TOP1: variants seen among roughly 807,000 people sequenced by gnomAD.
TOP1 encodes DNA topoisomerase 1.
In TOP1, 10 loss-of-function variants were observed where a neutral mutation model predicts 111.1. The observed-to-expected ratio is 0.09, with a 90% CI of 0.06 to 0.15. The LOEUF is 0.15. TOP1 is among the 10% of genes least tolerant of loss of function. TOP1 has a pLI of 1.00. For synonymous variants in TOP1, 271 were observed against 302.9 expected, an observed-to-expected ratio of 0.89 and a Z score of 1.10; for missense variants, 474 against 926.7, an observed-to-expected ratio of 0.51 and a Z score of 6.34.
chr20:41,029,575 G>A lies in TOP1; in HGVS notation c.58+120G>A, dbSNP rs781368217. The A allele has an allele frequency of 1.1e-5, 9 of 805,888 alleles. No individual in the cohort carries two copies. In the South Asian group the frequency reaches 1.3e-4, roughly 12 times the overall value. 49.9% of individuals were successfully genotyped at this position (805,888 alleles called of 1,614,324 possible). On this transcript the variant is annotated intron_variant, in intron 2 of 20. Coordinates refer to ENST00000361337, the MANE Select transcript of TOP1 (RefSeq NM_003286.4). The surrounding 1 kb of genome is among the most constrained non-coding windows in gnomAD (Gnocchi z 6.1). Reference sequence around the variant, plus strand: ...CCCAGAGACTAAGTCCCGGCTCCTCGCTCACCGGCCCCATTGTTCCCATCG... The same window carrying A: ...CCCAGAGACTAAGTCCCGGCTCCTCACTCACCGGCCCCATTGTTCCCATCG...
rs1328748073 is a variant in TOP1, at chr20:41,032,018, C to T, written c.58+2563C>T. On this transcript the variant is annotated intron_variant, in intron 2 of 20. Transcript: ENST00000361337. This position sits in a 1 kb window ranked among gnomAD's most constrained non-coding sequence, Gnocchi z 4.3. ...CTATCTCAAGTAATACATTGTTAAC[C>T]AGTGATTGATTTATGTAACTATGAA... Among the ~76,000 whole-genome samples, 1 of 151,870 alleles carries T rather than the reference C, an allele frequency of 6.6e-6. No homozygotes were observed. The highest frequency in any genetic ancestry group is 6.6e-5 in the Admixed American group (1 of 15,256).
chr20:41,122,204 G>T lies in TOP1; in HGVS notation c.2195+49G>T. On this transcript the variant is annotated intron_variant, in intron 20 of 20. Coordinates refer to ENST00000361337, the MANE Select transcript of TOP1 (RefSeq NM_003286.4). This position sits in a 1 kb window ranked among gnomAD's most constrained non-coding sequence, Gnocchi z 5.4. ...CTCCTGCTGCTAGCTTAAGAAAGGTGGAGGGGGTTCCGAGAGCACTGGTGG... is the reference window on the plus strand; with the variant it reads ...CTCCTGCTGCTAGCTTAAGAAAGGTTGAGGGGGTTCCGAGAGCACTGGTGG... 6.2e-7 allele frequency: 1 copy of T among 1,603,132 alleles called. No individual in the cohort carries two copies. Among genetic ancestry groups the T allele is most frequent in the African/African-American group, 1.3e-5 (1 of 74,734 alleles).
intron 7 of TOP1, among the ~76,000 whole-genome samples, chr20:41,084,225 A>G (rs1208546718): frequency 6.6e-6 from 1 of 152,062 alleles, no homozygotes; most frequent in Non-Finnish European, 1.5e-5. Flanking sequence ...CTTCCCCTGC[A>G]GAGTGTTTTT....
chr20:41,117,804 T>C (rs1422915689), intron 17 of TOP1, among the ~76,000 whole-genome samples: 1 of 151,852 alleles, frequency 6.6e-6, no homozygotes, highest in Non-Finnish European at 1.5e-5. Flanking sequence ...CAACAAACCA[T>C]AGTAATATCA....
rs1407104084 is a variant in TOP1, at chr20:41,110,912, G to A, written c.1309-1870G>A. 6.6e-6 allele frequency among the ~76,000 whole-genome samples: 1 copy of A among 152,164 alleles called. No homozygotes were observed. ...CCATCTCCTGCTGGATCTAAGCGGG[G>A]TGGCTTCTGCCTCCACCTCCATCTC... On this transcript the variant is annotated intron_variant, in intron 13 of 20. Coordinates refer to ENST00000361337, the MANE Select transcript of TOP1 (RefSeq NM_003286.4). The surrounding 1 kb of genome is among the most constrained non-coding windows in gnomAD (Gnocchi z 4.2).
At position 41,030,896 on chromosome 20, in the gene TOP1, T is replaced by G. The variant is rs2033110320; in HGVS notation, c.58+1441T>G. Among the ~76,000 whole-genome samples, 1 of 152,228 alleles carries G rather than the reference T, an allele frequency of 6.6e-6. No individual in the cohort carries two copies. Among genetic ancestry groups the G allele is most frequent in the Non-Finnish European group, 1.5e-5 (1 of 68,044 alleles). On this transcript the variant is annotated intron_variant, in intron 2 of 20. Coordinates refer to ENST00000361337, the MANE Select transcript of TOP1 (RefSeq NM_003286.4). The surrounding 1 kb of genome is among the most constrained non-coding windows in gnomAD (Gnocchi z 4.1). Reference sequence around the variant, plus strand: ...TATGGCATTTCTTGAGCACCAGATATGTGCCAACCACTGTGCTTGGTGCTA... The same window carrying G: ...TATGGCATTTCTTGAGCACCAGATAGGTGCCAACCACTGTGCTTGGTGCTA...
intron 2 of TOP1, among the ~76,000 whole-genome samples, chr20:41,055,644 C>A (rs745632511): frequency 6.6e-6 from 1 of 152,220 alleles, no homozygotes; most frequent in Non-Finnish European, 1.5e-5. Flanking sequence ...CCCCCAGTCA[C>A]CTGGACGTAA....
At chr20:41,052,349 A>G (rs1174244322) in intron 2 of TOP1, among the ~76,000 whole-genome samples, 2 of 152,170 alleles carry the variant, frequency 1.3e-5, no homozygotes, top group Non-Finnish European at 2.9e-5. Context: ...ATGTTTGAAC[A>G]TGTTTATCAA....
Position 41,079,705 on chromosome 20 carries a change from G to A in TOP1, c.336-380G>A, listed in dbSNP as rs2033767161. ...GCTGTACTTTAGCTTTTAGAGTACT[G>A]GAACAATCAGTTCAGATTGTGGGGT... On this transcript the variant is annotated intron_variant, in intron 5 of 20. Transcript: ENST00000361337. The surrounding 1 kb of genome is among the most constrained non-coding windows in gnomAD (Gnocchi z 4.0). 1.3e-5 allele frequency among the ~76,000 whole-genome samples: 2 copies of A among 152,162 alleles called. No homozygotes were observed. Among genetic ancestry groups the A allele is most frequent in the South Asian group, 2.1e-4 (1 of 4,832 alleles).
rs2034424012 is a variant in TOP1 at position 41,121,625 on chromosome 20, T to G, written c.1951-71T>G. The G allele has an allele frequency of 1.7e-6, 2 of 1,184,488 alleles. No individual in the cohort carries two copies. The highest frequency in any genetic ancestry group is 2.5e-6 in the Non-Finnish European group (2 of 790,806). The allele number at this position is 1,184,488 out of a possible 1,614,324, so 73.4% of individuals were successfully genotyped here. ...AGACAGCCTGGTCCAGATAACATCT[T>G]GGTTTCACCTTCTCAGGTGGAGCCA... On this transcript the variant is annotated intron_variant, in intron 18 of 20. Transcript: ENST00000361337. The surrounding 1 kb of genome is among the most constrained non-coding windows in gnomAD (Gnocchi z 4.2).
rs1231599996 is a variant in TOP1 at position 41,029,600 on chromosome 20, G to C, written c.58+145G>C. On this transcript the variant is annotated intron_variant, in intron 2 of 20. Coordinates refer to ENST00000361337, the MANE Select transcript of TOP1 (RefSeq NM_003286.4). The surrounding 1 kb of genome is among the most constrained non-coding windows in gnomAD (Gnocchi z 6.1). ...GCTCACCGGCCCCATTGTTCCCATC[G>C]GGCCGCCTCTTGACCCCCTTTCCGG... 2.2e-5 allele frequency: 16 copies of C among 718,074 alleles called. No homozygotes were observed. Among genetic ancestry groups the C allele is most frequent in the Non-Finnish European group, 3.9e-5 (16 of 409,346 alleles). The allele number at this position is 718,074 out of a possible 1,614,324, so 44.5% of individuals were successfully genotyped here.
chr20:41,101,029 AT>A lies in TOP1; in HGVS notation c.1164-176del. 3 of 595,420 alleles carry A rather than the reference AT, an allele frequency of 5.0e-6. No individual in the cohort carries two copies. The highest frequency in any genetic ancestry group is 8.9e-6 in the Non-Finnish European group (3 of 337,102). The allele number at this position is 595,420 out of a possible 1,614,324, so 36.9% of individuals were successfully genotyped here. On this transcript the variant is annotated intron_variant, in intron 12 of 20. Transcript: ENST00000361337. The surrounding 1 kb of genome is among the most constrained non-coding windows in gnomAD (Gnocchi z 4.1). ...TTATTTCTGGAATTTTGTATTGAAT[AT>A]TTTCGGATGACAGTTGGCTGAGGGT...
Position 41,034,902 on chromosome 20 carries a change from G to A in TOP1, c.58+5447G>A, listed in dbSNP as rs147464770. Among the ~76,000 whole-genome samples the A allele has an allele frequency of 4.6e-5, 7 of 152,012 alleles. No homozygotes were observed. The highest frequency in any genetic ancestry group is 1.9e-4 in the East Asian group (1 of 5,176). The stretch of plus-strand genomic sequence containing the variant: ...CCTTTACTTTTTTTTTGGGCGGGGT[G>A]GGGGGCAGACAGGGTTTCTGTTTGT... On this transcript the variant is annotated intron_variant, in intron 2 of 20. Transcript: ENST00000361337. This position sits in a 1 kb window ranked among gnomAD's most constrained non-coding sequence, Gnocchi z 4.0.
Position 41,110,191 on chromosome 20 carries a change from A to G in TOP1, c.1309-2591A>G, listed in dbSNP as rs2034212353. On this transcript the variant is annotated intron_variant, in intron 13 of 20. Transcript: ENST00000361337. This position sits in a 1 kb window ranked among gnomAD's most constrained non-coding sequence, Gnocchi z 4.2. Reference sequence around the variant, plus strand: ...TCTCAGCTATTCAGGAGGCTGAGACATGGGAATCGCTTGAACCTGAGGGGT... The same window carrying G: ...TCTCAGCTATTCAGGAGGCTGAGACGTGGGAATCGCTTGAACCTGAGGGGT... Among the ~76,000 whole-genome samples the G allele has an allele frequency of 6.6e-6, 1 of 152,158 alleles. No individual in the cohort carries two copies. The highest frequency in any genetic ancestry group is 1.5e-5 in the Non-Finnish European group (1 of 68,016).
At chr20:41,084,719 C>A (rs1046371890) in intron 8 of TOP1, 151 bp downstream of exon 8, 9 of 555,262 alleles carry the variant, frequency 1.6e-5, no homozygotes, top group Middle Eastern at 3.1e-4. Context: ...GTAAGTTTTC[C>A]AACTTCTAGT....
In TOP1 at chr20:41,067,528, A is replaced by G. The variant is rs1236394612; in HGVS notation, c.155+6038A>G. 6.6e-6 allele frequency among the ~76,000 whole-genome samples: 1 copy of G among 152,114 alleles called. No individual in the cohort carries two copies. The highest frequency in any genetic ancestry group is 2.4e-5 in the African/African-American group (1 of 41,412). On this transcript the variant is annotated intron_variant, in intron 3 of 20. Coordinates refer to ENST00000361337, the MANE Select transcript of TOP1 (RefSeq NM_003286.4). The surrounding 1 kb of genome is among the most constrained non-coding windows in gnomAD (Gnocchi z 4.0). ...GTAGCAGATTAAAGAAATCTGGGGG[A>G]TTATTTAATCACATCTGAACCCCAG...
chr20:41,085,804 C>T (rs946294909), intron 8 of TOP1, among the ~76,000 whole-genome samples: 2 of 152,134 alleles, frequency 1.3e-5, no homozygotes, highest in African/African-American at 4.8e-5. Context: ...AGAGCACTGA[C>T]CAGGAAGGTG....
In TOP1 at chr20:41,098,419, C is replaced by T; in HGVS notation, c.975+82C>T. On this transcript the variant is annotated intron_variant, in intron 11 of 20. Transcript: ENST00000361337. The surrounding 1 kb of genome is among the most constrained non-coding windows in gnomAD (Gnocchi z 5.7). ...AACTTTCTTCTTGGTTCTTATGACACAACATTAACATCAGTAATTTCACAT... is the reference window on the plus strand; with the variant it reads ...AACTTTCTTCTTGGTTCTTATGACATAACATTAACATCAGTAATTTCACAT... 7.2e-7 allele frequency: 1 copy of T among 1,387,318 alleles called. No homozygotes were observed. The highest frequency in any genetic ancestry group is 1.0e-6 in the Non-Finnish European group (1 of 1,000,784). 85.9% of individuals were successfully genotyped at this position (1,387,318 alleles called of 1,614,324 possible).
At chr20:41,072,697 C>A in intron 3 of TOP1, 1 of 985,392 alleles carries the variant, frequency 1.0e-6, no homozygotes, top group Non-Finnish European at 1.2e-6. Context: ...CTCTGCTCTC[C>A]ATTTGTGGAG....
Sources: gnomAD v4.1 joint callset for allele counts (sites outside exome capture counted in the v4.1 genomes callset) on GRCh38, gnomAD v4.1.1 for gene constraint, Gnocchi (gnomAD v3.1) non-coding constraint, MANE v1.5 for transcripts, NCBI Gene and HGNC (gene_info 2026-07-23, HGNC 2026-07-21) for gene names.